The following TRIM2 variants were observed in gnomAD, a reference collection of about 807,000 sequenced individuals.
The protein encoded by TRIM2 is tripartite motif-containing protein 2.
In TRIM2, 20 loss-of-function variants were observed where a neutral mutation model predicts 75.2. The observed-to-expected ratio is 0.27, with a 90% confidence interval of 0.19 to 0.39. TRIM2 has a LOEUF of 0.39. TRIM2 is among the 10% of genes least tolerant of loss of function. TRIM2 has a pLI of 1.00. For missense variants in TRIM2, 660 were observed against 990.8 expected, an observed-to-expected ratio of 0.67 and a Z score of 4.48; for synonymous variants, 373 against 388.3, an observed-to-expected ratio of 0.96 and a Z score of 0.46.
At chr4:153,315,647 C>A (rs1767420945) in intron 7 of TRIM2, 59 bp downstream of exon 7, 2 of 1,423,728 alleles carry the variant, frequency 1.4e-6, no homozygotes, top group African/African-American at 1.5e-5. Context: ...TATATAGTTA[C>A]ATATATTCCT....
rs184587902 is a variant in TRIM2 at position 153,195,470 on chromosome 4, C to T, written c.-49+42200C>T. 9.9e-5 allele frequency among the ~76,000 whole-genome samples: 15 copies of T among 152,022 alleles called. No homozygotes were observed. The East Asian group carries it at 2.5e-3, about 26-fold the overall frequency. On this transcript the variant is annotated intron_variant, in intron 1 of 11. Transcript: ENST00000437508. ...GGTTGAGGTTGCAGTGAGCTGAGATCGCACCACTACGCTCCAGCCTGGGAG... is the reference window on the plus strand; with the variant it reads ...GGTTGAGGTTGCAGTGAGCTGAGATTGCACCACTACGCTCCAGCCTGGGAG...
chr4:153,182,399 C>T (rs1409533840), intron 1 of TRIM2, among the ~76,000 whole-genome samples: 1 of 152,172 alleles, frequency 6.6e-6, no homozygotes, highest in South Asian at 2.1e-4. Context: ...CAGCTGAACA[C>T]CACCGTAGAG....
rs375260164 is a variant in TRIM2 at position 153,309,960 on chromosome 4, G to A, written c.1511-5525G>A. Reference sequence around the variant, plus strand: ...ATTTCATATTAAGTTGGAGTGGGTGGTGAGAGGAAATCTGCATTTATTGAT... The same window carrying A: ...ATTTCATATTAAGTTGGAGTGGGTGATGAGAGGAAATCTGCATTTATTGAT... On this transcript the variant is annotated intron_variant, in intron 6 of 11. Transcript: ENST00000338700. The A allele has an allele frequency of 5.3e-5, 8 of 152,126 alleles. No individual in the cohort carries two copies. In the East Asian group the frequency reaches 1.5e-3, roughly 29 times the overall value. 9.4% of individuals were successfully genotyped at this position (152,126 alleles called of 1,614,324 possible).
Position 153,273,270 on chromosome 4 carries a change from C to CTTTTTTT in TRIM2, c.216-2606_216-2600dup, listed in dbSNP as rs72414117. ...ACTCAGTGAGCACCTTACAGTCACT[C>CTTTTTTT]TTTTTTTTTTTTTTTTTTTTTTTGA... is the stretch of plus-strand genomic sequence containing the variant. On this transcript the variant is annotated intron_variant, in intron 2 of 11. Transcript: ENST00000338700. Among the ~76,000 whole-genome samples, 105 of 57,384 alleles carry CTTTTTTT rather than the reference C, an allele frequency of 1.8e-3. 15 individuals carry two copies. Among genetic ancestry groups the CTTTTTTT allele is most frequent in the African/African-American group, 6.8e-3 (97 of 14,308 alleles). The allele number at this position is 57,384 out of a possible 152,430, so 37.6% of individuals were successfully genotyped here.
intron 1 of TRIM2, among the ~76,000 whole-genome samples, chr4:153,218,494 C>T (rs933825028): frequency 6.6e-6 from 1 of 152,190 alleles, no homozygotes; most frequent in Non-Finnish European, 1.5e-5. Context: ...CAGGTGTGAG[C>T]CACTGTGCCC....
chr4:153,184,059 G>A (rs1326520923), intron 1 of TRIM2, among the ~76,000 whole-genome samples: 1 of 152,168 alleles, frequency 6.6e-6, no homozygotes, highest in East Asian at 1.9e-4. Flanking sequence ...AAGCTGCATG[G>A]GGATGAGCTT....
intron 3 of TRIM2, among the ~76,000 whole-genome samples, chr4:153,290,484 A>G (rs962021872): frequency 1.3e-5 from 2 of 152,218 alleles, no homozygotes; most frequent in Non-Finnish European, 2.9e-5. Context: ...TAATTATTGA[A>G]CAGCTTCTAT....
At chr4:153,308,053 A>G in intron 6 of TRIM2, 1 of 787,736 alleles carries the variant, frequency 1.3e-6, no homozygotes. Context: ...AACATGTCAT[A>G]AGGACTGTAG....
chr4:153,240,511 A>G (rs533913299), intron 1 of TRIM2, among the ~76,000 whole-genome samples: 2 of 152,230 alleles, frequency 1.3e-5, no homozygotes, highest in Non-Finnish European at 2.9e-5. Flanking sequence ...GCCACTGTGA[A>G]AGGACTTAGT....
chr4:153,263,727 T>C (rs1011049822), intron 1 of TRIM2, among the ~76,000 whole-genome samples: 1 of 152,208 alleles, frequency 6.6e-6, no homozygotes, highest in Non-Finnish European at 1.5e-5. Flanking sequence ...AAGAATGTAT[T>C]GTCTCACAGT....
intron 1 of TRIM2, among the ~76,000 whole-genome samples, chr4:153,217,846 G>T (rs1300119165): frequency 6.6e-6 from 1 of 152,164 alleles, no homozygotes; most frequent in Non-Finnish European, 1.5e-5. Context: ...TTTTCTCCAA[G>T]TTCTCCAAAG....
chr4:153,267,190 G>T (rs192152116), intron 1 of TRIM2, among the ~76,000 whole-genome samples: 97 of 152,232 alleles, frequency 6.4e-4, no homozygotes, highest in African/African-American at 2.0e-3. Flanking sequence ...CCAAGTTAAA[G>T]TGTCATATGT....
chr4:153,222,257 T>C (rs1430047097), intron 1 of TRIM2: 1 of 152,100 alleles, frequency 6.6e-6, no homozygotes, highest in Non-Finnish European at 1.5e-5. Flanking sequence ...TGTGCTTGCT[T>C]ATAATGAACT....
intron 11 of TRIM2, among the ~76,000 whole-genome samples, chr4:153,333,754 T>C (rs760008782): frequency 1.3e-5 from 2 of 152,098 alleles, no homozygotes; most frequent in Admixed American, 6.6e-5. Context: ...TTAAAAATAA[T>C]ACGAATTGTA....
At chr4:153,329,291 T>G (rs2149586008) in intron 11 of TRIM2, among the ~76,000 whole-genome samples, 1 of 152,224 alleles carries the variant, frequency 6.6e-6, no homozygotes, top group South Asian at 2.1e-4. Flanking sequence ...TTTAAAACAC[T>G]ATTGTGCTAA....
At chr4:153,168,767 T>C (rs1730558970) in intron 1 of TRIM2, among the ~76,000 whole-genome samples, 1 of 152,192 alleles carries the variant, frequency 6.6e-6, no homozygotes, top group Non-Finnish European at 1.5e-5. Flanking sequence ...TATATTTGTA[T>C]ATAGCAGTTG....
intron 1 of TRIM2, among the ~76,000 whole-genome samples, chr4:153,264,943 T>G (rs1754546221): frequency 1.3e-5 from 2 of 152,192 alleles, no homozygotes. Flanking sequence ...AAATTAGTGT[T>G]AAGGAGTAAA....
chr4:153,185,851 C>A (rs1248246153), intron 1 of TRIM2, among the ~76,000 whole-genome samples: 1 of 152,162 alleles, frequency 6.6e-6, no homozygotes, highest in African/African-American at 2.4e-5. Context: ...GCTTCTCTCT[C>A]CCTGAGGAGG....
chr4:153,325,699 A>C (rs2149571373), intron 10 of TRIM2, among the ~76,000 whole-genome samples: 1 of 152,364 alleles, frequency 6.6e-6, no homozygotes, highest in East Asian at 1.9e-4. Context: ...AATAGTACAA[A>C]GGCCAGCAAA....
Sources: gnomAD v4.1 joint callset for allele counts (sites outside exome capture counted in the v4.1 genomes callset) on GRCh38, gnomAD v4.1.1 for gene constraint, MANE v1.5 for transcripts, NCBI Gene and HGNC (gene_info 2026-07-23, HGNC 2026-07-21) for gene names.